The following DNAI3 variants were observed in gnomAD, a reference collection of about 807,000 sequenced individuals.
DNAI3 encodes the protein dynein axonemal intermediate chain 3.
DNAI3 carries 83 observed loss-of-function variants against 115.5 expected under a neutral mutation model. The observed-to-expected ratio is 0.72, with a 90% CI of 0.60 to 0.86. DNAI3 has a LOEUF of 0.86. Ranked by LOEUF, DNAI3 falls within the 40% of genes least tolerant of loss-of-function variation. The pLI is 0.00. For synonymous variants in DNAI3, 320 were observed against 347.0 expected, an observed-to-expected ratio of 0.92 and a Z score of 0.86; for missense variants, 1,004 against 1,075.8, an observed-to-expected ratio of 0.93 and a Z score of 0.93.
chr1:85,126,876 T>G (rs1656160297), intron 20 of DNAI3, among the ~76,000 whole-genome samples, 161 bp downstream of exon 20: 1 of 152,152 alleles, frequency 6.6e-6, no homozygotes, highest in African/African-American at 2.4e-5. Flanking sequence ...TTTTCATTCT[T>G]CTCTCTTCCC....
intron 3 of DNAI3, among the ~76,000 whole-genome samples, chr1:85,078,743 A>G (rs546156279): frequency 2.0e-5 from 3 of 152,228 alleles, no homozygotes; most frequent in African/African-American, 7.2e-5. Context: ...GTACTGGACT[A>G]TAGCAGTTTT....
At chr1:85,095,466 G>A (rs1212336305) in intron 10 of DNAI3, among the ~76,000 whole-genome samples, 4 of 152,052 alleles carry the variant, frequency 2.6e-5, no homozygotes, top group Non-Finnish European at 5.9e-5. Context: ...CAAAAACAGA[G>A]CCACTCTCTC....
At chr1:85,121,982 C>A (rs1340133547) in intron 18 of DNAI3, among the ~76,000 whole-genome samples, 168 bp downstream of exon 18, 1 of 152,078 alleles carries the variant, frequency 6.6e-6, no homozygotes, top group African/African-American at 2.4e-5. Flanking sequence ...TAGTCATCAC[C>A]TGGGAACTTG....
chr1:85,096,880 G>A (rs1371848300), intron 11 of DNAI3, among the ~76,000 whole-genome samples: 1 of 151,982 alleles, frequency 6.6e-6, no homozygotes, highest in Non-Finnish European at 1.5e-5. Flanking sequence ...CATCCTCCAA[G>A]CCCTGCAAAT....
chr1:85,101,729 A>AAAC (rs1247614516), intron 13 of DNAI3, among the ~76,000 whole-genome samples: 2 of 144,234 alleles, frequency 1.4e-5, no homozygotes, highest in Non-Finnish European at 3.1e-5. Context: ...CTCCATCTCA[A>AAAC]AAAAAAAAAA....
At chr1:85,082,002 A>G (rs543575665) in intron 4 of DNAI3, among the ~76,000 whole-genome samples, 24 of 152,336 alleles carry the variant, frequency 1.6e-4, no homozygotes, top group African/African-American at 5.8e-4. Context: ...TGTTTAATTC[A>G]TAATTTTGGT....
intron 15 of DNAI3, among the ~76,000 whole-genome samples, chr1:85,109,420 T>C (rs1212818120): frequency 6.6e-6 from 1 of 152,184 alleles, no homozygotes; most frequent in Non-Finnish European, 1.5e-5. Flanking sequence ...TTTGGGGGAC[T>C]GGGGGTAGGA....
At chr1:85,065,874 C>CA (rs1223146074) in intron 1 of DNAI3, among the ~76,000 whole-genome samples, 1 of 152,218 alleles carries the variant, frequency 6.6e-6, no homozygotes, top group Non-Finnish European at 1.5e-5. Context: ...ATAGAAGCAT[C>CA]ATAAAAGGAT....
chr1:85,091,607 C>A (rs1654978368), intron 8 of DNAI3, among the ~76,000 whole-genome samples: 1 of 152,142 alleles, frequency 6.6e-6, no homozygotes, highest in Non-Finnish European at 1.5e-5. Context: ...GAAGAAAGCC[C>A]TTTTAGAAAT....
Position 85,130,041 on chromosome 1 carries a change from G to A in DNAI3, c.2461G>A (p.Val821Ile), listed in dbSNP as rs375093146. Residue 821 changes from valine to isoleucine, a missense_variant, in exon 22 of 23, where the codon GTA becomes ATA. Coordinates refer to ENST00000294664, the MANE Select transcript of DNAI3 (RefSeq NM_145172.5). ...FEREVKHLEY[V>I]EQRKKIREQE... Reference sequence around the variant, plus strand: ...AAGAGAAGTCAAGCATCTGGAATACGTAGAACAGCGCAAAAAAATTCGTGA... The same window carrying A: ...AAGAGAAGTCAAGCATCTGGAATACATAGAACAGCGCAAAAAAATTCGTGA... 6.2e-6 allele frequency: 10 copies of A among 1,613,650 alleles called. No individual in the cohort carries two copies. In the East Asian group the frequency reaches 8.9e-5, roughly 14 times the overall value.
intron 11 of DNAI3, among the ~76,000 whole-genome samples, chr1:85,096,467 T>C (rs1232178593): frequency 6.8e-6 from 1 of 147,672 alleles, no homozygotes; most frequent in Non-Finnish European, 1.5e-5. Flanking sequence ...TGTATATATA[T>C]ATATAGATAG....
intron 1 of DNAI3, among the ~76,000 whole-genome samples, chr1:85,065,407 T>C (rs1654068704): frequency 6.6e-6 from 1 of 152,196 alleles, no homozygotes; most frequent in South Asian, 2.1e-4. Flanking sequence ...TATATGTATA[T>C]TCAGGGAGAT....
chr1:85,068,660 C>A (rs910982098), intron 1 of DNAI3, among the ~76,000 whole-genome samples: 3 of 152,192 alleles, frequency 2.0e-5, no homozygotes, highest in African/African-American at 7.2e-5. Context: ...AGAGTGAAAG[C>A]CAAGGTCCTA....
chr1:85,072,028 T>C, intron 2 of DNAI3, 23 bp downstream of exon 2: 1 of 1,598,216 alleles, frequency 6.3e-7, no homozygotes, highest in South Asian at 1.1e-5. Context: ...CTTCATTGAA[T>C]GGGATTTTTT....
intron 7 of DNAI3, among the ~76,000 whole-genome samples, chr1:85,087,243 C>T (rs1335729153): frequency 1.3e-5 from 2 of 151,968 alleles, no homozygotes; most frequent in African/African-American, 2.4e-5. Context: ...CGAGACCATC[C>T]TGGCCAACAC....
At chr1:85,092,579 C>G (rs1655010229) in intron 8 of DNAI3, among the ~76,000 whole-genome samples, 1 of 152,086 alleles carries the variant, frequency 6.6e-6, no homozygotes, top group African/African-American at 2.4e-5. Context: ...GGGACAATAA[C>G]TATCATAGTA....
chr1:85,092,591 C>T (rs1410533303), intron 8 of DNAI3, among the ~76,000 whole-genome samples: 1 of 152,094 alleles, frequency 6.6e-6, no homozygotes, highest in Non-Finnish European at 1.5e-5. Context: ...ATCATAGTAA[C>T]TACTTTAAGA....
intron 19 of DNAI3, among the ~76,000 whole-genome samples, chr1:85,124,937 A>T (rs1656090212): frequency 6.6e-6 from 1 of 152,146 alleles, no homozygotes; most frequent in Non-Finnish European, 1.5e-5. Context: ...TGCACCAGGA[A>T]TATCTTGGCA....
intron 19 of DNAI3, among the ~76,000 whole-genome samples, chr1:85,125,624 G>T (rs1388415887): frequency 6.6e-6 from 1 of 152,008 alleles, no homozygotes; most frequent in Non-Finnish European, 1.5e-5. Flanking sequence ...CTATGCCAGG[G>T]TCAGGAATTT....
Sources: allele counts gnomAD v4.1 joint callset (sites outside exome capture counted in the v4.1 genomes callset), GRCh38; gene constraint gnomAD v4.1.1; transcripts MANE v1.5; gene names NCBI Gene and HGNC (gene_info 2026-07-23, HGNC 2026-07-21).